Variants in TSNARE1 observed in about 807,000 individuals in gnomAD.
The protein encoded by TSNARE1 is t-SNARE domain-containing protein 1.
In TSNARE1, 49 loss-of-function variants were observed where a neutral mutation model predicts 62.0. That is an observed-to-expected ratio of 0.79 (90% CI 0.63 to 1.00). The LOEUF is 1.00. Ranked by LOEUF, TSNARE1 falls within the 50% of genes least tolerant of loss-of-function variation. TSNARE1 has a pLI of 0.00. For synonymous variants in TSNARE1, 328 were observed against 294.4 expected (o/e 1.11, Z -1.17); for missense variants, 755 against 700.1 (o/e 1.08, Z -0.88).
chr8:142,240,266 T>C (rs1817617510), intron 12 of TSNARE1, among the ~76,000 whole-genome samples: 1 of 152,264 alleles, frequency 6.6e-6, no homozygotes, highest in African/African-American at 2.4e-5. Flanking sequence ...GGTCACTTTA[T>C]AATGCTGAAA....
At chr8:142,227,301 G>A (rs1019246369) in intron 13 of TSNARE1, among the ~76,000 whole-genome samples, 14 of 148,252 alleles carry the variant, frequency 9.4e-5, no homozygotes, top group African/African-American at 3.6e-4. Context: ...TGACAGCCAG[G>A]ACCCCCTTCC....
At chr8:142,358,690 G>T (rs889926239) in intron 1 of TSNARE1, among the ~76,000 whole-genome samples, 1 of 151,626 alleles carries the variant, frequency 6.6e-6, no homozygotes, top group Non-Finnish European at 1.5e-5. Context: ...CTGGAAACAC[G>T]AAATGGCAGC....
intron 6 of TSNARE1, among the ~76,000 whole-genome samples, chr8:142,327,502 G>A (rs565475114): frequency 1.8e-4 from 28 of 152,296 alleles, no homozygotes; most frequent in African/African-American, 6.3e-4. Context: ...CTGGCAAATG[G>A]GTCTGTCCCT....
chr8:142,214,509 C>T (rs1193015325), intron 13 of TSNARE1, among the ~76,000 whole-genome samples: 1 of 152,198 alleles, frequency 6.6e-6, no homozygotes. Flanking sequence ...GAACTCTGGG[C>T]TCTGCCAGGC....
chr8:142,369,652 C>T (rs1040572345), intron 1 of TSNARE1, among the ~76,000 whole-genome samples: 2 of 152,052 alleles, frequency 1.3e-5, no homozygotes, highest in African/African-American at 4.8e-5. Context: ...AACAGGAGGT[C>T]GCAGGGAAAT....
chr8:142,214,944 G>C (rs969843566), intron 13 of TSNARE1, among the ~76,000 whole-genome samples: 1 of 152,192 alleles, frequency 6.6e-6, no homozygotes, highest in East Asian at 1.9e-4. Context: ...GGTTACAGCA[G>C]CTGAGCTGAT....
intron 10 of TSNARE1, among the ~76,000 whole-genome samples, chr8:142,284,815 C>T (rs1352094507): frequency 6.6e-6 from 1 of 152,198 alleles, no homozygotes; most frequent in African/African-American, 2.4e-5. Flanking sequence ...ACAGAGGTCC[C>T]AGGGTCTGTC....
chr8:142,343,804 G>GGGGA (rs370568699), intron 4 of TSNARE1, among the ~76,000 whole-genome samples, 162 bp downstream of exon 4: 5 of 71,106 alleles, frequency 7.0e-5, no homozygotes, highest in Admixed American at 3.8e-4. Flanking sequence ...AGGGGGAGGA[G>GGGGA]GAGGAGGAGG....
At chr8:142,364,909 G>A (rs1243225525) in intron 1 of TSNARE1, among the ~76,000 whole-genome samples, 1 of 152,230 alleles carries the variant, frequency 6.6e-6, no homozygotes, top group Non-Finnish European at 1.5e-5. Flanking sequence ...TGGAAGGAAT[G>A]ATGGAACCAG....
chr8:142,224,273 C>T lies in TSNARE1; in HGVS notation c.*11+5200G>A, dbSNP rs557773530. The stretch of plus-strand genomic sequence containing the variant: ...GGACCCGGAATGGCTCCATCGAGTG[C>T]GGCAGGCGGGCTTTGCCCTAATGCC... On this transcript the variant is annotated intron_variant, in intron 13 of 13. Coordinates refer to ENST00000524325, the MANE Select transcript of TSNARE1 (RefSeq NM_145003.5). Among the ~76,000 whole-genome samples the T allele has an allele frequency of 4.0e-4, 61 of 152,318 alleles. No individual in the cohort carries two copies. In the South Asian group the frequency reaches 8.9e-3, roughly 22 times the overall value.
intron 10 of TSNARE1, among the ~76,000 whole-genome samples, chr8:142,289,562 A>T (rs7814166): frequency 0.69 from 105,047 of 152,028 alleles, 37,058 homozygotes; most frequent in African/African-American, 0.83. Flanking sequence ...GCAGGCTACG[A>T]ACACACCACT....
chr8:142,314,175 C>T (rs1434408868), intron 9 of TSNARE1, among the ~76,000 whole-genome samples: 2 of 152,274 alleles, frequency 1.3e-5, no homozygotes, highest in African/African-American at 2.4e-5. Flanking sequence ...GCACCGTCCG[C>T]AGTCATTCTT....
intron 13 of TSNARE1, among the ~76,000 whole-genome samples, chr8:142,213,339 A>C (rs990543976): frequency 2.1e-5 from 3 of 146,044 alleles, no homozygotes; most frequent in African/African-American, 5.1e-5. Context: ...CCTGGGGAGC[A>C]GGCCACTTGC....
At chr8:142,347,526 G>A (rs1420799594) in intron 2 of TSNARE1, among the ~76,000 whole-genome samples, 2 of 152,174 alleles carry the variant, frequency 1.3e-5, no homozygotes, top group Admixed American at 6.5e-5. Flanking sequence ...TGGAAACCCC[G>A]GACAATGGCC....
intron 12 of TSNARE1, among the ~76,000 whole-genome samples, chr8:142,256,341 CAT>C (rs1818559936): frequency 1.4e-5 from 2 of 142,170 alleles, no homozygotes; most frequent in African/African-American, 2.6e-5. Flanking sequence ...TTGCCACCAT[CAT>C]CATCACCATC....
chr8:142,298,443 GAGC>G lies in TSNARE1; in HGVS notation c.1290+2040_1290+2042del, dbSNP rs141404756. 8.2e-3 allele frequency among the ~76,000 whole-genome samples: 1,244 copies of G among 152,140 alleles called. 43 individuals carry two copies. In the East Asian group the frequency reaches 0.094, roughly 12 times the overall value. On this transcript the variant is annotated intron_variant, in intron 10 of 13. Coordinates refer to ENST00000524325, the MANE Select transcript of TSNARE1 (RefSeq NM_145003.5). ...GGCACGAGCCCTCACCAGGCCCTGG[GAGC>G]AGGACTCCCAGGCCAGGACAGTGAG...
intron 7 of TSNARE1, 46 bp downstream of exon 7, chr8:142,318,498 G>A (rs1239311191): frequency 1.9e-6 from 3 of 1,568,246 alleles, no homozygotes; most frequent in African/African-American, 2.7e-5. Flanking sequence ...CAGGCAGAGG[G>A]GTCCATTCCT....
chr8:142,346,593 G>A (rs1239539645), intron 2 of TSNARE1, among the ~76,000 whole-genome samples: 2 of 152,246 alleles, frequency 1.3e-5, no homozygotes, highest in Non-Finnish European at 2.9e-5. Context: ...CAGACACGCC[G>A]TGTGCGCCAG....
rs1473518889 is a variant in TSNARE1, at chr8:142,217,374, A to AG, written c.*12-5062_*12-5061insC. On this transcript the variant is annotated intron_variant, in intron 13 of 13. Coordinates refer to ENST00000524325, the MANE Select transcript of TSNARE1 (RefSeq NM_145003.5). The stretch of plus-strand genomic sequence containing the variant: ...AAGAAAGAAAGAAAGAAAGAAAGAA[A>AG]AAAGGGAAAGAAAGAAAAAGCAAGC... Among the ~76,000 whole-genome samples the AG allele has an allele frequency of 3.3e-3, 450 of 134,924 alleles. 11 individuals are homozygous for AG. The highest frequency in any genetic ancestry group is 0.014 in the African/African-American group (399 of 29,548). The allele number at this position is 134,924 out of a possible 152,430, so 88.5% of individuals were successfully genotyped here. A position where few individuals can be genotyped will look rare whatever the true frequency, so the allele number is the denominator to read the frequency against.
Sources: allele counts gnomAD v4.1 joint callset (sites outside exome capture counted in the v4.1 genomes callset), GRCh38; gene constraint gnomAD v4.1.1; transcripts MANE v1.5; gene names NCBI Gene and HGNC (gene_info 2026-07-23, HGNC 2026-07-21).